TBC1D5: variants seen among roughly 807,000 people sequenced by gnomAD.
TBC1D5 encodes the protein TBC1 domain family member 5, also known as TBC1 domain family, member 5.
TBC1D5 carries 75 observed loss-of-function variants against 100.3 expected under a neutral mutation model. The observed-to-expected ratio is 0.75, with a 90% confidence interval of 0.62 to 0.91. TBC1D5 has a LOEUF of 0.91. Ranked by LOEUF, TBC1D5 falls within the 40% of genes least tolerant of loss-of-function variation. TBC1D5 has a pLI of 0.00. For missense variants in TBC1D5, 910 were observed against 942.4 expected, an observed-to-expected ratio of 0.97 and a Z score of 0.45; for synonymous variants, 323 against 325.6, an observed-to-expected ratio of 0.99 and a Z score of 0.09.
chr3:17,459,460 G>A (rs901120868), intron 3 of TBC1D5, among the ~76,000 whole-genome samples: 13 of 152,198 alleles, frequency 8.5e-5, no homozygotes, highest in Non-Finnish European at 1.8e-4. Context: ...GGCTGTGACC[G>A]GTTCCTAACA....
At chr3:17,544,650 G>GAAAA (rs11294217) in intron 2 of TBC1D5, among the ~76,000 whole-genome samples, 18 of 86,262 alleles carry the variant, frequency 2.1e-4, no homozygotes, top group Non-Finnish European at 4.0e-4. Flanking sequence ...GACTCCGTCT[G>GAAAA]AAAAAAAAAA....
At chr3:17,263,710 C>A (rs1029120685) in intron 15 of TBC1D5, among the ~76,000 whole-genome samples, 1 of 152,142 alleles carries the variant, frequency 6.6e-6, no homozygotes, top group African/African-American at 2.4e-5. Context: ...AAGTGACTTA[C>A]AGAAGCAGAA....
chr3:17,629,825 T>C (rs534788115), intron 1 of TBC1D5, among the ~76,000 whole-genome samples: 20 of 152,152 alleles, frequency 1.3e-4, no homozygotes, highest in Non-Finnish European at 2.4e-4. Flanking sequence ...AGGAAACGGA[T>C]TTTCTGACAT....
intron 15 of TBC1D5, among the ~76,000 whole-genome samples, chr3:17,263,306 C>A (rs1229028357): frequency 7.8e-6 from 1 of 128,680 alleles, no homozygotes; most frequent in East Asian, 2.3e-4. Context: ...GAGGAAGTTG[C>A]AGTGAGCTAA....
At chr3:17,181,957 T>C (rs2068499897) in intron 19 of TBC1D5, among the ~76,000 whole-genome samples, 1 of 152,132 alleles carries the variant, frequency 6.6e-6, no homozygotes, top group African/African-American at 2.4e-5. Flanking sequence ...AACACCTTAG[T>C]CCTTCCAATT....
At chr3:17,693,562 G>A (rs1232472242) in intron 1 of TBC1D5, among the ~76,000 whole-genome samples, 1 of 152,228 alleles carries the variant, frequency 6.6e-6, no homozygotes, top group Non-Finnish European at 1.5e-5. Flanking sequence ...GCTTCAGTAG[G>A]TAAACAAAGC....
At chr3:17,345,750 A>G (rs998899073) in intron 13 of TBC1D5, among the ~76,000 whole-genome samples, 2 of 152,232 alleles carry the variant, frequency 1.3e-5, no homozygotes, top group Non-Finnish European at 2.9e-5. Context: ...ATAAAAAATG[A>G]TGAGTTCATG....
intron 13 of TBC1D5, 36 bp downstream of exon 13, chr3:17,372,039 A>AAAACAAACAAACGAAC: frequency 1.3e-6 from 2 of 1,504,818 alleles, no homozygotes; most frequent in Middle Eastern, 3.5e-4. Context: ...TCTGTCTCAA[A>AAAACAAACAAACGAAC]AAACAAACAA....
rs9874918 is a variant in TBC1D5 at position 17,646,642 on chromosome 3, C to T, written c.-100-22729G>A. 1.1e-3 allele frequency among the ~76,000 whole-genome samples: 173 copies of T among 152,242 alleles called. 1 individual carries two copies. The highest frequency in any genetic ancestry group is 3.9e-3 in the African/African-American group (161 of 41,550). On this transcript the variant is annotated intron_variant, in intron 1 of 21. Transcript: ENST00000253692. ...CATCATGCCCCTGGACTAATGTTCA[C>T]GAAATAATCCCCATGTCCTTGCTTC...
At chr3:17,723,611 T>G (rs1452566104) in intron 1 of TBC1D5, among the ~76,000 whole-genome samples, 2 of 152,236 alleles carry the variant, frequency 1.3e-5, no homozygotes, top group Non-Finnish European at 2.9e-5. Flanking sequence ...ACTCTGCCAG[T>G]ACACTCGTGG....
At position 17,227,801 on chromosome 3, in the gene TBC1D5, C is replaced by T. The variant is rs540674146; in HGVS notation, c.1588+10362G>A. Among the ~76,000 whole-genome samples the T allele has an allele frequency of 7.3e-5, 11 of 150,908 alleles. No homozygotes were observed. The South Asian group carries it at 1.3e-3, about 17-fold the overall frequency. Reference sequence around the variant, plus strand: ...CTGTTTAGCAAACCCCCATGCCACACGTTTACCTATATAACAAGCCTGCAC... The same window carrying T: ...CTGTTTAGCAAACCCCCATGCCACATGTTTACCTATATAACAAGCCTGCAC... On this transcript the variant is annotated intron_variant, in intron 17 of 21. Coordinates refer to ENST00000253692, the Ensembl canonical transcript of TBC1D5.
chr3:17,401,653 G>A (rs554302377), intron 8 of TBC1D5, among the ~76,000 whole-genome samples: 126 of 152,088 alleles, frequency 8.3e-4, no homozygotes, highest in African/African-American at 2.9e-3. Flanking sequence ...CGGCACCAGC[G>A]CTGTGGCCCC....
chr3:17,593,919 T>C (rs2060399172), intron 2 of TBC1D5, among the ~76,000 whole-genome samples: 3 of 152,256 alleles, frequency 2.0e-5, no homozygotes, highest in South Asian at 2.1e-4. Context: ...GTTTCTCCCA[T>C]AGCCATGATT....
intron 4 of TBC1D5, among the ~76,000 whole-genome samples, chr3:17,410,079 G>A (rs180881195): frequency 1.3e-5 from 2 of 152,028 alleles, no homozygotes; most frequent in Non-Finnish European, 2.9e-5. Flanking sequence ...GAGCTTCAAA[G>A]GACAGGCTGT....
rs57879135 is a variant in TBC1D5, at chr3:17,530,243, C to CAAA, written c.-35-21641_-35-21639dup. Among the ~76,000 whole-genome samples, 403 of 59,894 alleles carry CAAA rather than the reference C, an allele frequency of 6.7e-3. 1 individual carries two copies. The highest frequency in any genetic ancestry group is 0.02 in the African/African-American group (388 of 19,294). The allele number at this position is 59,894 out of a possible 152,430, so 39.3% of individuals were successfully genotyped here. A position where few individuals can be genotyped will look rare whatever the true frequency, so the allele number is the denominator to read the frequency against. ...TGGGCGACAGAGCGAGACTTCGTCT[C>CAAA]AAAAAAAAAAAAAAAAAAAGGGAAA... On this transcript the variant is annotated intron_variant, in intron 2 of 21. Coordinates refer to ENST00000253692, the Ensembl canonical transcript of TBC1D5.
intron 2 of TBC1D5, among the ~76,000 whole-genome samples, chr3:17,520,897 A>G (rs2096057130): frequency 1.3e-5 from 2 of 152,304 alleles, no homozygotes; most frequent in South Asian, 4.1e-4. Context: ...AGAGATCTCA[A>G]AGGACAAGAC....
At chr3:17,306,197 A>G (rs2083386564) in intron 14 of TBC1D5, among the ~76,000 whole-genome samples, 1 of 152,016 alleles carries the variant, frequency 6.6e-6, no homozygotes. Flanking sequence ...AATTTTCTCT[A>G]TTGACTCACA....
intron 1 of TBC1D5, among the ~76,000 whole-genome samples, chr3:17,695,438 G>C (rs376325509): frequency 6.6e-6 from 1 of 152,008 alleles, no homozygotes; most frequent in Non-Finnish European, 1.5e-5. Flanking sequence ...AAAAGCAGGG[G>C]TTGCAATCCT....
intron 13 of TBC1D5, among the ~76,000 whole-genome samples, chr3:17,366,076 G>A (rs1416297015): frequency 6.6e-6 from 1 of 152,110 alleles, no homozygotes; most frequent in Admixed American, 6.5e-5. Flanking sequence ...GATCACCTGA[G>A]CTTATGAGTT....
Sources: allele counts gnomAD v4.1 joint callset (sites outside exome capture counted in the v4.1 genomes callset), GRCh38; gene constraint gnomAD v4.1.1; transcripts MANE v1.5; gene names NCBI Gene and HGNC (gene_info 2026-07-23, HGNC 2026-07-21).